The following PDP2 variants were observed in gnomAD, a reference collection of about 807,000 sequenced individuals.
PDP2 encodes the protein pyruvate dehydrogenase phosphatase catalytic subunit 2, also known as [Pyruvate dehydrogenase [acetyl-transferring]]-phosphatase 2, mitochondrial.
In PDP2, 23 loss-of-function variants were observed where a neutral mutation model predicts 34.2. The observed-to-expected ratio is 0.67, with a 90% CI of 0.48 to 0.95. The LOEUF (loss-of-function observed/expected upper bound fraction) is 0.95. Ranked by LOEUF, PDP2 falls within the 40% of genes least tolerant of loss-of-function variation. The pLI is 0.00. For synonymous variants in PDP2, 275 were observed against 269.2 expected, an observed-to-expected ratio of 1.02 and a Z score of -0.21; for missense variants, 571 against 659.6, an observed-to-expected ratio of 0.87 and a Z score of 1.47.
chr16:66,881,428 T>TTTTTAATTTAATTTAATTTAA (rs772487238), intron 1 of PDP2, among the ~76,000 whole-genome samples: 1 of 119,190 alleles, frequency 8.4e-6, no homozygotes, highest in African/African-American at 4.1e-5. Context: ...GTTTTTTTTT[T>TTTTTAATTTAATTTAATTTAA]TTTAATTTAA....
At position 66,889,877 on chromosome 16, in the gene PDP2, T is replaced by C. The variant is rs953437772; in HGVS notation, c.*4003T>C. 6.6e-5 allele frequency: 10 copies of C among 151,534 alleles called. No individual in the cohort carries two copies. The East Asian group carries it at 9.7e-4, about 15-fold the overall frequency. The allele number at this position is 151,534 out of a possible 1,614,324, so 9.4% of individuals were successfully genotyped here. On this transcript the variant is annotated 3_prime_UTR_variant, in exon 2 of 2. Transcript: ENST00000311765. ...TGGAAGGCTGAAATGAGAGGATCTC[T>C]TGAGCCCAGGAGGTCTAGGCCAGAG... is the stretch of plus-strand genomic sequence containing the variant.
chr16:66,883,520 C>A (rs1158890283), intron 1 of PDP2, among the ~76,000 whole-genome samples: 2 of 152,124 alleles, frequency 1.3e-5, no homozygotes, highest in East Asian at 3.9e-4. Context: ...CTTTCTGCAG[C>A]CTCAACTTAC....
chr16:66,885,615 G>A lies in PDP2; in HGVS notation c.1331G>A (p.Arg444Lys). 1.9e-6 allele frequency: 3 copies of A among 1,614,080 alleles called. No individual in the cohort carries two copies. The highest frequency in any genetic ancestry group is 2.5e-6 in the Non-Finnish European group (3 of 1,180,036). The stretch of plus-strand genomic sequence containing the variant: ...TGGCACAAGACAGACCTGGCCCAGA[G>A]ACCCGCCAACTTGGGGCTCATGCAG... ...ADWHKTDLAQ[R>K]PANLGLMQSL... The change falls in exon 2 of 2, where the codon AGA becomes AAA. Residue 444 changes from arginine (R) to lysine (K), a missense_variant. Coordinates refer to ENST00000311765, the MANE Select transcript of PDP2 (RefSeq NM_020786.4). This position sits in a 1 kb window ranked among gnomAD's most constrained non-coding sequence, Gnocchi z 4.6.
In PDP2 at chr16:66,885,769, G is replaced by A. The variant is rs1961740948; in HGVS notation, c.1485G>A (p.Met495Ile). ...TGGAGGCAGAGCGGCTGGCGGCGAT[G>A]CTGACATTGCCAGAGGACTTGGCGA... is the stretch of plus-strand genomic sequence containing the variant. ...GEMEAERLAA[M>I]LTLPEDLARM... The change falls in exon 2 of 2, where the codon ATG (methionine) becomes ATA (isoleucine). Residue 495 changes from methionine to isoleucine, a missense_variant. Coordinates refer to ENST00000311765, the MANE Select transcript of PDP2 (RefSeq NM_020786.4). This position sits in a 1 kb window ranked among gnomAD's most constrained non-coding sequence, Gnocchi z 4.6. 1.2e-6 allele frequency: 2 copies of A among 1,613,608 alleles called. No individual in the cohort carries two copies. Among genetic ancestry groups the A allele is most frequent in the Non-Finnish European group, 1.7e-6 (2 of 1,180,020 alleles).
Position 66,885,033 on chromosome 16 carries a change from TG to T in PDP2, c.751del (p.Glu251LysfsTer4). 1 of 1,613,742 alleles carries T rather than the reference TG, an allele frequency of 6.2e-7. No individual in the cohort carries two copies. Among genetic ancestry groups the T allele is most frequent in the Admixed American group, 1.7e-5 (1 of 60,012 alleles). ...SDISLEIQAPLEDEVTRNLSL... is the reference protein window; with the variant it reads ...SDISLEIQAPXEDEVTRNLSL... ...ATCTCGCTGGAAATCCAGGCCCCCCTGGAAGATGAGGTGACAAGGAACCTGT... is the reference window on the plus strand; with the variant it reads ...ATCTCGCTGGAAATCCAGGCCCCCCTGAAGATGAGGTGACAAGGAACCTGT... On this transcript the variant is annotated frameshift_variant, in exon 2 of 2. Coordinates refer to ENST00000311765, the MANE Select transcript of PDP2 (RefSeq NM_020786.4). LOFTEE classifies it high-confidence loss of function. This position sits in a 1 kb window ranked among gnomAD's most constrained non-coding sequence, Gnocchi z 4.6.
rs1315152965 is a variant in PDP2 at position 66,885,045 on chromosome 16, T to C, written c.761T>C (p.Val254Ala). 2 of 1,613,830 alleles carry C rather than the reference T, an allele frequency of 1.2e-6. No homozygotes were observed. The highest frequency in any genetic ancestry group is 1.7e-6 in the Non-Finnish European group (2 of 1,179,978). The change falls in exon 2 of 2, where the codon GTG (valine) becomes GCG (alanine). Residue 254 changes from valine (V) to alanine (A), a missense_variant. Val to Ala is a moderately conservative substitution (Grantham distance 64, BLOSUM62 0). Around this residue, in one of 2 missense-constraint regions of PDP2, gnomAD observed 281 missense variants for 375.8 expected, o/e 0.75. Coordinates refer to ENST00000311765, the MANE Select transcript of PDP2 (RefSeq NM_020786.4). The surrounding 1 kb of genome is among the most constrained non-coding windows in gnomAD (Gnocchi z 4.6). ...ATCCAGGCCCCCCTGGAAGATGAGG[T>C]GACAAGGAACCTGTCACTCCAGGTT... ...LEIQAPLEDE[V>A]TRNLSLQVAF...
intron 1 of PDP2, among the ~76,000 whole-genome samples, chr16:66,883,696 C>T (rs997943144): frequency 6.6e-6 from 1 of 151,994 alleles, no homozygotes; most frequent in African/African-American, 2.4e-5. Flanking sequence ...TATCCACCCA[C>T]CTTGGCCTCC....
intron 1 of PDP2, among the ~76,000 whole-genome samples, chr16:66,881,524 C>T (rs1961518142): frequency 6.6e-6 from 1 of 151,504 alleles, no homozygotes; most frequent in African/African-American, 2.4e-5. Flanking sequence ...AAACTCGTCA[C>T]CCCCTTGAGG....
rs996136869 is a variant in PDP2 at position 66,887,974 on chromosome 16, A to T, written c.*2100A>T. 3 of 146,532 alleles carry T rather than the reference A, an allele frequency of 2.0e-5. No homozygotes were observed. The highest frequency in any genetic ancestry group is 7.7e-5 in the African/African-American group (3 of 39,122). 9.1% of individuals were successfully genotyped at this position (146,532 alleles called of 1,614,324 possible). A position where few individuals can be genotyped will look rare whatever the true frequency, so the allele number is the denominator to read the frequency against. On this transcript the variant is annotated 3_prime_UTR_variant, in exon 2 of 2. Transcript: ENST00000311765. ...TCTCAAAAAAAAAAAAAAAAAATCC[A>T]TCTTATCTCTTAGTCCGTCCTTCCT...
rs1023494733 is a variant in PDP2, at chr16:66,889,009, A to C, written c.*3135A>C. 6.6e-6 allele frequency: 1 copy of C among 152,168 alleles called. No individual in the cohort carries two copies. The highest frequency in any genetic ancestry group is 1.5e-5 in the Non-Finnish European group (1 of 68,036). The allele number at this position is 152,168 out of a possible 1,614,324, so 9.4% of individuals were successfully genotyped here. On this transcript the variant is annotated 3_prime_UTR_variant, in exon 2 of 2. Coordinates refer to ENST00000311765, the MANE Select transcript of PDP2 (RefSeq NM_020786.4). ...CATTCTGGGGAGCACCTCCTGATTA[A>C]ACTCCTGTCTCCCTGACCACTATCC...
rs998691957 is a variant in PDP2 at position 66,886,085 on chromosome 16, T to C, written c.*211T>C. 8.3e-5 allele frequency: 47 copies of C among 569,290 alleles called. No homozygotes were observed. The highest frequency in any genetic ancestry group is 1.3e-4 in the Non-Finnish European group (40 of 312,434). 35.3% of individuals were successfully genotyped at this position (569,290 alleles called of 1,614,324 possible). A position where few individuals can be genotyped will look rare whatever the true frequency, so the allele number is the denominator to read the frequency against. On this transcript the variant is annotated 3_prime_UTR_variant, in exon 2 of 2. Coordinates refer to ENST00000311765, the MANE Select transcript of PDP2 (RefSeq NM_020786.4). ...GTCCCTGTATGTTCTGATTAAGTCTTATATGCAGAGAGGACAGAGCATAAA... is the reference window on the plus strand; with the variant it reads ...GTCCCTGTATGTTCTGATTAAGTCTCATATGCAGAGAGGACAGAGCATAAA...
Position 66,886,486 on chromosome 16 carries a change from C to T in PDP2, c.*612C>T. The stretch of plus-strand genomic sequence containing the variant: ...GTTTTCGTTTATTTTAAAACTGAAT[C>T]CTTAAACTTGCAAACACGCCTACTG... On this transcript the variant is annotated 3_prime_UTR_variant, in exon 2 of 2. Coordinates refer to ENST00000311765, the MANE Select transcript of PDP2 (RefSeq NM_020786.4). The T allele has an allele frequency of 2.2e-6, 1 of 451,048 alleles. No individual in the cohort carries two copies. The highest frequency in any genetic ancestry group is 4.7e-6 in the Non-Finnish European group (1 of 214,466). 27.9% of individuals were successfully genotyped at this position (451,048 alleles called of 1,614,324 possible). A position where few individuals can be genotyped will look rare whatever the true frequency, so the allele number is the denominator to read the frequency against.
chr16:66,884,837 C>T lies in PDP2; in HGVS notation c.553C>T (p.Pro185Ser). 3.7e-6 allele frequency: 6 copies of T among 1,614,026 alleles called. No homozygotes were observed. The highest frequency in any genetic ancestry group is 5.1e-6 in the Non-Finnish European group (6 of 1,179,960). Residue 185 changes from proline to serine, a missense_variant, in exon 2 of 2, where the codon CCC becomes TCC. Coordinates refer to ENST00000311765, the MANE Select transcript of PDP2 (RefSeq NM_020786.4). ...TATGGAAAGCATGAAACCCTTGCTG[C>T]CCATCCTGCATTGGCTCAAGCACCC... ...GAMESMKPLL[P>S]ILHWLKHPGD...
Position 66,889,146 on chromosome 16 carries a change from T to C in PDP2, c.*3272T>C, listed in dbSNP as rs1961903580. ...TTCAAAGCATTTATTATTCCTTTTA[T>C]ACGGAGATTTCAGTATTGAGACTTA... is the stretch of plus-strand genomic sequence containing the variant. On this transcript the variant is annotated 3_prime_UTR_variant, in exon 2 of 2. Coordinates refer to ENST00000311765, the MANE Select transcript of PDP2 (RefSeq NM_020786.4). 1 of 152,208 alleles carries C rather than the reference T, an allele frequency of 6.6e-6. No individual in the cohort carries two copies. Among genetic ancestry groups the C allele is most frequent in the South Asian group, 2.1e-4 (1 of 4,830 alleles). The allele number at this position is 152,208 out of a possible 1,614,324, so 9.4% of individuals were successfully genotyped here. A position where few individuals can be genotyped will look rare whatever the true frequency, so the allele number is the denominator to read the frequency against.
Position 66,885,327 on chromosome 16 carries a change from T to C in PDP2, c.1043T>C (p.Phe348Ser). The C allele has an allele frequency of 1.2e-6, 2 of 1,613,996 alleles. No homozygotes were observed. The highest frequency in any genetic ancestry group is 2.2e-5 in the East Asian group (1 of 44,866). ...LLGVLIPCRAFGDVQLKWSKE... is the reference protein window; with the variant it reads ...LLGVLIPCRASGDVQLKWSKE... ...GGCGTCCTCATCCCCTGCAGGGCCT[T>C]TGGGGATGTTCAGCTGAAGTGGAGT... The change falls in exon 2 of 2, where the codon TTT becomes TCT. Residue 348 changes from phenylalanine (F) to serine (S), a missense_variant. Coordinates refer to ENST00000311765, the MANE Select transcript of PDP2 (RefSeq NM_020786.4). This position sits in a 1 kb window ranked among gnomAD's most constrained non-coding sequence, Gnocchi z 4.6.
rs1012619698 is a variant in PDP2, at chr16:66,887,833, T to A, written c.*1959T>A. On this transcript the variant is annotated 3_prime_UTR_variant, in exon 2 of 2. Transcript: ENST00000311765. The stretch of plus-strand genomic sequence containing the variant: ...CAGGTGTGGTGGTGCATGCCTGTAA[T>A]CCCAGCTACTCGGGAGGCTGAGGCA... The A allele has an allele frequency of 6.6e-6, 1 of 151,638 alleles. No individual in the cohort carries two copies. The highest frequency in any genetic ancestry group is 2.0e-4 in the East Asian group (1 of 5,104). 9.4% of individuals were successfully genotyped at this position (151,638 alleles called of 1,614,324 possible).
Position 66,889,406 on chromosome 16 carries a change from CT to C in PDP2, c.*3533del, listed in dbSNP as rs1198474212. The stretch of plus-strand genomic sequence containing the variant: ...ACGTCTGCCTCCCAGATTGAAGTGA[CT>C]CTCGTGCCTCTGCCACAGAGTAGCT... On this transcript the variant is annotated 3_prime_UTR_variant, in exon 2 of 2. Coordinates refer to ENST00000311765, the MANE Select transcript of PDP2 (RefSeq NM_020786.4). 17 of 152,082 alleles carry C rather than the reference CT, an allele frequency of 1.1e-4. No individual in the cohort carries two copies. The highest frequency in any genetic ancestry group is 2.1e-4 in the Non-Finnish European group (14 of 68,042). 9.4% of individuals were successfully genotyped at this position (152,082 alleles called of 1,614,324 possible). A position where few individuals can be genotyped will look rare whatever the true frequency, so the allele number is the denominator to read the frequency against.
In PDP2 at chr16:66,889,032, T is replaced by C. The variant is rs1961899431; in HGVS notation, c.*3158T>C. 1 of 151,234 alleles carries C rather than the reference T, an allele frequency of 6.6e-6. No individual in the cohort carries two copies. The highest frequency in any genetic ancestry group is 1.9e-4 in the East Asian group (1 of 5,130). 9.4% of individuals were successfully genotyped at this position (151,234 alleles called of 1,614,324 possible). On this transcript the variant is annotated 3_prime_UTR_variant, in exon 2 of 2. Transcript: ENST00000311765. ...TAAACTCCTGTCTCCCTGACCACTATCCTGCTGTCATTGGACTTCTTGAAG... is the reference window on the plus strand; with the variant it reads ...TAAACTCCTGTCTCCCTGACCACTACCCTGCTGTCATTGGACTTCTTGAAG...
rs189555211 is a variant in PDP2 at position 66,888,327 on chromosome 16, T to A, written c.*2453T>A. The A allele has an allele frequency of 6.6e-6, 1 of 152,058 alleles. No individual in the cohort carries two copies. The highest frequency in any genetic ancestry group is 2.4e-5 in the African/African-American group (1 of 41,466). 9.4% of individuals were successfully genotyped at this position (152,058 alleles called of 1,614,324 possible). On this transcript the variant is annotated 3_prime_UTR_variant, in exon 2 of 2. Transcript: ENST00000311765. ...ATCTGCCCACCTCGGCCTCCCAAGGTGCTGGGATGATAGGCATGAGCCACC... is the reference window on the plus strand; with the variant it reads ...ATCTGCCCACCTCGGCCTCCCAAGGAGCTGGGATGATAGGCATGAGCCACC...
Sources: allele counts gnomAD v4.1 joint callset (sites outside exome capture counted in the v4.1 genomes callset), GRCh38; gene constraint gnomAD v4.1.1; regional missense constraint gnomAD v4.1.1; non-coding constraint Gnocchi (gnomAD v3.1); transcripts MANE v1.5; gene names NCBI Gene and HGNC (gene_info 2026-07-23, HGNC 2026-07-21).